The following UNC45A variants were observed in gnomAD, a reference collection of about 807,000 sequenced individuals.
The protein encoded by UNC45A is protein unc-45 homolog A.
A neutral mutation model predicts 103.2 loss-of-function variants in UNC45A; 78 were observed. That is an observed-to-expected ratio of 0.76 (90% confidence interval 0.63 to 0.91). The LOEUF (loss-of-function observed/expected upper bound fraction) is 0.91, where lower values mean the gene tolerates loss of function less well. Among genes scored for constraint, UNC45A ranks in the 40% least tolerant of loss-of-function variants. The probability of loss-of-function intolerance (pLI) is 0.00; values close to 1 mark genes in which losing one functional copy is unlikely to be tolerated. For synonymous variants in UNC45A, 495 were observed against 504.6 expected (o/e 0.98, Z 0.25); for missense variants, 1,193 against 1,224.8 (o/e 0.97, Z 0.39).
At chr15:90,948,528 C>A in intron 12 of UNC45A, 126 bp from the exon 13 acceptor site, 1 of 1,457,536 alleles carries the variant, frequency 6.9e-7, no homozygotes, top group Non-Finnish European at 9.2e-7. Flanking sequence ...CTGGGAGTTT[C>A]CCGAATTCAT....
At chr15:90,948,519 TG>T in intron 12 of UNC45A, 134 bp from the exon 13 acceptor site, 1 of 1,425,310 alleles carries the variant, frequency 7.0e-7, no homozygotes, top group African/African-American at 1.4e-5. Flanking sequence ...GTCTGGGGCC[TG>T]GGAGTTTCCC....
At chr15:90,931,229 C>T (rs2035777394), upstream of UNC45A, 1 of 1,548,208 alleles carries the variant, frequency 6.5e-7, no homozygotes, top group Non-Finnish European at 8.7e-7. Context: ...TCCTGTCCGG[C>T]CTGAACGAGG....
At chr15:90,934,780 T>C (rs139227594), upstream of UNC45A, 57 of 401,878 alleles carry the variant, frequency 1.4e-4, 1 homozygote, top group African/African-American at 1.1e-3. Context: ...GGCTCTAGGA[T>C]GAGCTCCTAA....
chr15:90,941,846 T>C lies in UNC45A; in HGVS notation c.688-591T>C, dbSNP rs774738833. On this transcript the variant is annotated intron_variant, in intron 6 of 19. Coordinates refer to ENST00000418476, the MANE Select transcript of UNC45A (RefSeq NM_018671.5). ...CGGTGGCGGGCGCCTGTAATCCCAG[T>C]TACTCAGGAGGCTGAGGCAGGGAAA... 2.2e-4 allele frequency among the ~76,000 whole-genome samples: 33 copies of C among 151,866 alleles called. No homozygotes were observed. The Middle Eastern group carries it at 0.014, about 63-fold the overall frequency.
Position 90,948,800 on chromosome 15 carries a change from G to A in UNC45A, c.1878+6G>A. The A allele has an allele frequency of 1.3e-6, 2 of 1,597,350 alleles. No homozygotes were observed. Among genetic ancestry groups the A allele is most frequent in the Non-Finnish European group, 1.7e-6 (2 of 1,172,338 alleles). On this transcript the variant is annotated splice_donor_region_variant and intron_variant, in intron 13 of 19. Transcript: ENST00000418476. ...TGCCCGAGCAGCACCCCAAGGTGAG[G>A]GGCCGCCAGAGGGGCTAGAGGGTTC... is the stretch of plus-strand genomic sequence containing the variant.
rs775023425 is a variant in UNC45A at position 90,935,995 on chromosome 15, T to G, written c.250+13T>G. ...GAGGCATCCAAAGGTAGGGGAATGG[T>G]GGGCCCTGGTGTGGAGCTGTAGGGC... On this transcript the variant is annotated intron_variant, in intron 3 of 19. Coordinates refer to ENST00000418476, the MANE Select transcript of UNC45A (RefSeq NM_018671.5). 1.9e-6 allele frequency: 3 copies of G among 1,613,900 alleles called. No homozygotes were observed. The highest frequency in any genetic ancestry group is 2.5e-6 in the Non-Finnish European group (3 of 1,179,946).
chr15:90,953,157 G>A lies in UNC45A; in HGVS notation c.2424G>A (p.Val808=). 6.2e-7 allele frequency: 1 copy of A among 1,613,550 alleles called. No homozygotes were observed. The highest frequency in any genetic ancestry group is 1.3e-5 in the African/African-American group (1 of 75,064). ...CMCNLAMSKE[V]QDLFEAQGND... ...CCACTCCTCACATCTGGCCACAGGT[G>A]CAGGACCTCTTCGAAGCCCAGGGCA... is the stretch of plus-strand genomic sequence containing the variant. Residue 808 remains valine (V), a splice_region_variant and synonymous_variant, in exon 19 of 20, where the codon GTG becomes GTA. Transcript: ENST00000418476.
At chr15:90,946,962 C>T (rs1047210206) in intron 10 of UNC45A, 48 bp downstream of exon 10, 3 of 1,562,838 alleles carry the variant, frequency 1.9e-6, no homozygotes, top group Non-Finnish European at 1.7e-6. Flanking sequence ...AGGCAGGGGT[C>T]CTGGTCCAGC....
intron 7 of UNC45A, 114 bp from the exon 8 acceptor site, chr15:90,942,798 G>C (rs959569105): frequency 4.0e-6 from 6 of 1,493,618 alleles, no homozygotes; most frequent in Non-Finnish European, 5.4e-6. Context: ...TCAGTCTGGA[G>C]CCTGGGATGC....
At chr15:90,949,571 G>C in intron 14 of UNC45A, 83 bp from the exon 15 acceptor site, 1 of 1,601,168 alleles carries the variant, frequency 6.2e-7, no homozygotes, top group Non-Finnish European at 8.5e-7. Flanking sequence ...CTGCGTGGCT[G>C]CCGTCTTTGC....
Position 90,953,965 on chromosome 15 carries a change from A to G in UNC45A, c.*249A>G. The G allele has an allele frequency of 1.8e-6, 1 of 553,268 alleles. No individual in the cohort carries two copies. The highest frequency in any genetic ancestry group is 3.2e-6 in the Non-Finnish European group (1 of 311,074). The allele number at this position is 553,268 out of a possible 1,614,324, so 34.3% of individuals were successfully genotyped here. The stretch of plus-strand genomic sequence containing the variant: ...TCTGTACTACTGTAGTCAGCTGGGA[A>G]TGGGGAAGGTGCATCCCAACACAGC... On this transcript the variant is annotated 3_prime_UTR_variant, in exon 20 of 20. Coordinates refer to ENST00000418476, the MANE Select transcript of UNC45A (RefSeq NM_018671.5).
At chr15:90,948,509 G>T in intron 12 of UNC45A, 145 bp from the exon 13 acceptor site, 1 of 1,387,476 alleles carries the variant, frequency 7.2e-7, no homozygotes, top group Non-Finnish European at 9.7e-7. Context: ...AGCTCCCAAA[G>T]TCTGGGGCCT....
At chr15:90,938,283 G>C (rs2036119557) in intron 4 of UNC45A, among the ~76,000 whole-genome samples, 1 of 151,928 alleles carries the variant, frequency 6.6e-6, no homozygotes, top group Non-Finnish European at 1.5e-5. Context: ...TTTAAATTAG[G>C]AGAAAAGAAT....
Position 90,948,173 on chromosome 15 carries a change from A to C in UNC45A, c.1627A>C (p.Thr543Pro), listed in dbSNP as rs1187326305. The C allele has an allele frequency of 1.2e-6, 2 of 1,614,062 alleles. No individual in the cohort carries two copies. Among genetic ancestry groups the C allele is most frequent in the South Asian group, 2.2e-5 (2 of 91,072 alleles). Residue 543 changes from threonine to proline, a missense_variant, in exon 12 of 20, where the codon ACT (threonine) becomes CCT (proline). Physicochemically the swap from Thr to Pro is conservative, Grantham distance 38. Transcript: ENST00000418476. ...GTGCAATGACCAGATCGACGCAGGC[A>C]CTCGGCGCTGGGCAGTGGAGGGCCT... ...WLCNDQIDAGTRRWAVEGLAY... is the reference protein window; with the variant it reads ...WLCNDQIDAGPRRWAVEGLAY...
At chr15:90,948,466 C>A in intron 12 of UNC45A, 183 bp downstream of exon 12, 4 of 1,270,190 alleles carry the variant, frequency 3.1e-6, no homozygotes, top group Non-Finnish European at 4.3e-6. Flanking sequence ...CAAGGACGTT[C>A]TTCTTGGAGG....
At chr15:90,946,943 C>T (rs1398112651) in intron 10 of UNC45A, 29 bp downstream of exon 10, 2 of 1,568,218 alleles carry the variant, frequency 1.3e-6, no homozygotes, top group Non-Finnish European at 1.7e-6. Flanking sequence ...GGTGGGTGGG[C>T]AGGCAGCCAG....
rs112917744 is a variant in UNC45A, at chr15:90,949,980, T to C, written c.2074-174T>C. On this transcript the variant is annotated intron_variant, in intron 15 of 19. Transcript: ENST00000418476. ...TGGCCCTGGTGCTCAGCACAATCCATGTCCAGCCCTTATTAGGTGTTTCAG... is the reference window on the plus strand; with the variant it reads ...TGGCCCTGGTGCTCAGCACAATCCACGTCCAGCCCTTATTAGGTGTTTCAG... The C allele has an allele frequency of 6.4e-3, 4,397 of 687,612 alleles. 109 individuals are homozygous for C. Among genetic ancestry groups the C allele is most frequent in the African/African-American group, 0.056 (3,123 of 55,824 alleles). 42.6% of individuals were successfully genotyped at this position (687,612 alleles called of 1,614,324 possible).
chr15:90,947,564 C>A, intron 10 of UNC45A: 1 of 566,078 alleles, frequency 1.8e-6, no homozygotes, highest in East Asian at 2.9e-5. Flanking sequence ...CACGACTGTC[C>A]AGCGGCCAGC....
intron 12 of UNC45A, 86 bp from the exon 13 acceptor site, chr15:90,948,568 G>C: frequency 6.4e-7 from 1 of 1,556,562 alleles, no homozygotes; most frequent in Non-Finnish European, 8.7e-7. Flanking sequence ...GCTGAGGGTG[G>C]AATTGGGGGC....
Sources: gnomAD v4.1 joint callset for allele counts (sites outside exome capture counted in the v4.1 genomes callset) on GRCh38, gnomAD v4.1.1 for gene constraint, MANE v1.5 for transcripts, NCBI Gene and HGNC (gene_info 2026-07-23, HGNC 2026-07-21) for gene names.